Variants in TMEM63B observed in about 807,000 individuals in gnomAD.
TMEM63B encodes the protein transmembrane protein 63B.
TMEM63B carries 23 observed loss-of-function variants against 102.6 expected under a neutral mutation model. The observed-to-expected ratio is 0.22, with a 90% CI of 0.16 to 0.32. TMEM63B has a LOEUF of 0.32. Ranked by LOEUF, TMEM63B falls within the 10% of genes least tolerant of loss-of-function variation. The probability of loss-of-function intolerance (pLI) is 1.00; values close to 1 mark genes in which losing one functional copy is unlikely to be tolerated. For synonymous variants in TMEM63B, 444 were observed against 437.0 expected (o/e 1.02, Z -0.20); for missense variants, 628 against 1,095.9 (o/e 0.57, Z 6.03).
Position 44,154,909 on chromosome 6 carries a change from C to T in TMEM63B, c.*26C>T, listed in dbSNP as rs1379564131. 1.3e-6 allele frequency: 2 copies of T among 1,491,586 alleles called. No individual in the cohort carries two copies. The highest frequency in any genetic ancestry group is 2.4e-5 in the Admixed American group (1 of 41,924). The allele number at this position is 1,491,586 out of a possible 1,614,324, so 92.4% of individuals were successfully genotyped here. On this transcript the variant is annotated 3_prime_UTR_variant, in exon 24 of 24. Coordinates refer to ENST00000323267, the MANE Select transcript of TMEM63B (RefSeq NM_018426.3). ...GGGGAGGGAGGGGCCCTGGAGGCCA[C>T]ATCCTGCCCCACCCCACCCCCACTC...
chr6:44,138,805 T>A, intron 6 of TMEM63B: 1 of 387,348 alleles, frequency 2.6e-6, no homozygotes, highest in Non-Finnish European at 4.8e-6. Flanking sequence ...TCAACCTCTG[T>A]GCAGCCAGTG....
Position 44,154,106 on chromosome 6 carries a change from T to C in TMEM63B, c.2144T>C (p.Val715Ala). The C allele has an allele frequency of 6.2e-7, 1 of 1,614,154 alleles. No individual in the cohort carries two copies. The highest frequency in any genetic ancestry group is 8.5e-7 in the Non-Finnish European group (1 of 1,179,982). The change falls in exon 22 of 24, where the codon GTG (valine) becomes GCG (alanine). Residue 715 changes from valine (V) to alanine (A), a missense_variant. Val to Ala is a moderately conservative substitution (Grantham distance 64). Transcript: ENST00000323267. ...FLAPTSMFTF[V>A]VLVITIVICL... is the part of the protein sequence containing the mutation. ...GCTCCCACGTCTATGTTCACATTTG[T>C]GGTCCTGGTCATCACCATCGTCATC...
In TMEM63B at chr6:44,149,844, T is replaced by C. The variant is rs759914391; in HGVS notation, c.1414-15T>C. On this transcript the variant is annotated splice_polypyrimidine_tract_variant and intron_variant, in intron 15 of 23. Coordinates refer to ENST00000323267, the MANE Select transcript of TMEM63B (RefSeq NM_018426.3). Reference sequence around the variant, plus strand: ...TAGACTGCCCTGCCTGACGCCCCCCTGTGCCCTGCTGCAGAACCCCATCAT... The same window carrying C: ...TAGACTGCCCTGCCTGACGCCCCCCCGTGCCCTGCTGCAGAACCCCATCAT... 1.1e-5 allele frequency: 18 copies of C among 1,600,388 alleles called. No individual in the cohort carries two copies.
At position 44,138,524 on chromosome 6, in the gene TMEM63B, GGACCAT is replaced by G. The variant is rs776351231; in HGVS notation, c.407+8_407+13del. On this transcript the variant is annotated splice_region_variant and intron_variant, in intron 6 of 23. Coordinates refer to ENST00000323267, the MANE Select transcript of TMEM63B (RefSeq NM_018426.3). Reference sequence around the variant, plus strand: ...CAGCCATCTTCAGGATAAAGTAAGTGGACCATCTTCAAGCTCTAAAGAAAGAGAGAA... The same window carrying G: ...CAGCCATCTTCAGGATAAAGTAAGTGCTTCAAGCTCTAAAGAAAGAGAGAA... The G allele has an allele frequency of 4.3e-6, 7 of 1,613,936 alleles. No individual in the cohort carries two copies. Among genetic ancestry groups the G allele is most frequent in the Non-Finnish European group, 5.1e-6 (6 of 1,179,952 alleles).
chr6:44,153,986 G>A (rs2128278892), intron 21 of TMEM63B, 87 bp from the exon 22 acceptor site: 1 of 1,556,374 alleles, frequency 6.4e-7, no homozygotes, highest in East Asian at 2.2e-5. Flanking sequence ...ACCTGGGAGA[G>A]TGAGGACTGC....
Position 44,152,748 on chromosome 6 carries a change from C to A in TMEM63B, c.1942+50C>A. 6.8e-7 allele frequency: 1 copy of A among 1,472,514 alleles called. No individual in the cohort carries two copies. The highest frequency in any genetic ancestry group is 9.4e-7 in the Non-Finnish European group (1 of 1,065,308). 91.2% of individuals were successfully genotyped at this position (1,472,514 alleles called of 1,614,324 possible). ...GGGCCCTGCTCGGGGGGACCCAGGA[C>A]TTCACCCTCTCCACTCTAGGAATGC... On this transcript the variant is annotated intron_variant, in intron 20 of 23. Transcript: ENST00000323267. This position sits in a 1 kb window ranked among gnomAD's most constrained non-coding sequence, Gnocchi z 6.4.
Position 44,152,076 on chromosome 6 carries a change from A to G in TMEM63B, c.1836+68A>G, listed in dbSNP as rs1766787843. The G allele has an allele frequency of 6.6e-7, 1 of 1,512,594 alleles. No homozygotes were observed. The highest frequency in any genetic ancestry group is 8.8e-7 in the Non-Finnish European group (1 of 1,132,518). The allele number at this position is 1,512,594 out of a possible 1,614,324, so 93.7% of individuals were successfully genotyped here. On this transcript the variant is annotated intron_variant, in intron 19 of 23. Coordinates refer to ENST00000323267, the MANE Select transcript of TMEM63B (RefSeq NM_018426.3). The surrounding 1 kb of genome is among the most constrained non-coding windows in gnomAD (Gnocchi z 6.4). Reference sequence around the variant, plus strand: ...GGTGGCCCAACAAGAAACAGCAGCCATCGCGCTAGGGTTGAGGGGCACAGG... The same window carrying G: ...GGTGGCCCAACAAGAAACAGCAGCCGTCGCGCTAGGGTTGAGGGGCACAGG...
intron 10 of TMEM63B, among the ~76,000 whole-genome samples, chr6:44,146,412 T>C (rs1012594840): frequency 2.8e-5 from 4 of 142,554 alleles, no homozygotes; most frequent in Non-Finnish European, 6.3e-5. Flanking sequence ...CTCAGTTTTG[T>C]AGACTAAGAA....
Position 44,154,968 on chromosome 6 carries a change from T to G in TMEM63B, c.*85T>G, listed in dbSNP as rs751111434. 1.4e-5 allele frequency: 18 copies of G among 1,277,122 alleles called. No homozygotes were observed. Among genetic ancestry groups the G allele is most frequent in the Non-Finnish European group, 1.9e-5 (18 of 954,762 alleles). 79.1% of individuals were successfully genotyped at this position (1,277,122 alleles called of 1,614,324 possible). A position where few individuals can be genotyped will look rare whatever the true frequency, so the allele number is the denominator to read the frequency against. ...ACTAAAACGCTAATAATTTATTAGA[T>G]CTAAAGCCCCTTCCTCCCCAGCCCC... On this transcript the variant is annotated 3_prime_UTR_variant, in exon 24 of 24. Coordinates refer to ENST00000323267, the MANE Select transcript of TMEM63B (RefSeq NM_018426.3).
Position 44,148,755 on chromosome 6 carries a change from C to T in TMEM63B, c.1260-37C>T. On this transcript the variant is annotated intron_variant, in intron 14 of 23. Transcript: ENST00000323267. The surrounding 1 kb of genome is among the most constrained non-coding windows in gnomAD (Gnocchi z 5.1). ...GGTGTCACTGGGGGCCAATCCTGCC[C>T]TTGGTTCCTGGACTGACCGGTTCCC... 1 of 1,612,782 alleles carries T rather than the reference C, an allele frequency of 6.2e-7. No homozygotes were observed. Among genetic ancestry groups the T allele is most frequent in the Non-Finnish European group, 8.5e-7 (1 of 1,178,874 alleles).
At position 44,150,047 on chromosome 6, in the gene TMEM63B, A is replaced by G; in HGVS notation, c.1520+82A>G. ...CTCTCTGGGCAGCACTTTGCCCTTCAGGCTCCTGGCCCTGGGCAGTCCCAC... is the reference window on the plus strand; with the variant it reads ...CTCTCTGGGCAGCACTTTGCCCTTCGGGCTCCTGGCCCTGGGCAGTCCCAC... On this transcript the variant is annotated intron_variant, in intron 16 of 23. Transcript: ENST00000323267. The surrounding 1 kb of genome is among the most constrained non-coding windows in gnomAD (Gnocchi z 4.7). 1 of 1,459,602 alleles carries G rather than the reference A, an allele frequency of 6.9e-7. No individual in the cohort carries two copies. The highest frequency in any genetic ancestry group is 1.2e-5 in the South Asian group (1 of 82,658). The allele number at this position is 1,459,602 out of a possible 1,614,324, so 90.4% of individuals were successfully genotyped here. A position where few individuals can be genotyped will look rare whatever the true frequency, so the allele number is the denominator to read the frequency against.
intron 11 of TMEM63B, 121 bp downstream of exon 11, chr6:44,147,048 A>G (rs916814335): frequency 4.5e-6 from 5 of 1,119,764 alleles, no homozygotes; most frequent in Admixed American, 2.0e-5. Flanking sequence ...TTTTAATTCA[A>G]CTCGTTGGTG....
chr6:44,136,362 A>G lies in TMEM63B; in HGVS notation c.292A>G (p.Met98Val), dbSNP rs531946658. The change falls in exon 5 of 24, where the codon ATG becomes GTG. Residue 98 changes from methionine (M) to valine (V), a missense_variant. Coordinates refer to ENST00000323267, the MANE Select transcript of TMEM63B (RefSeq NM_018426.3). Reference protein sequence around the residue: ...RVEQEYVASAMHGDSHDRYER... With the variant: ...RVEQEYVASAVHGDSHDRYER... ...CCTCACCCCCAGTGTGGCTTCAGCTATGCACGGGGACAGCCATGACCGGTA... is the reference window on the plus strand; with the variant it reads ...CCTCACCCCCAGTGTGGCTTCAGCTGTGCACGGGGACAGCCATGACCGGTA... 3.1e-6 allele frequency: 5 copies of G among 1,614,028 alleles called. No individual in the cohort carries two copies. The East Asian group carries it at 6.7e-5, about 22-fold the overall frequency.
At position 44,135,101 on chromosome 6, in the gene TMEM63B, G is replaced by T; in HGVS notation, c.239+5G>T. 1 of 1,614,138 alleles carries T rather than the reference G, an allele frequency of 6.2e-7. No homozygotes were observed. The highest frequency in any genetic ancestry group is 1.1e-5 in the South Asian group (1 of 91,076). ...CTTGGTGACAGATGCAGACAGGTAA[G>T]GGTCTGGGACCCTCCCTCTAGCTCT... On this transcript the variant is annotated splice_donor_5th_base_variant and intron_variant, in intron 3 of 23. Coordinates refer to ENST00000323267, the MANE Select transcript of TMEM63B (RefSeq NM_018426.3).
chr6:44,132,426 G>A, intron 1 of TMEM63B: 2 of 719,462 alleles, frequency 2.8e-6, no homozygotes, highest in Non-Finnish European at 3.4e-6. Flanking sequence ...TCTGGGGCTT[G>A]TTCTCATTTC....
Position 44,136,567 on chromosome 6 carries a change from G to A in TMEM63B, c.369+128G>A, listed in dbSNP as rs1469880858. 1.3e-5 allele frequency: 9 copies of A among 699,228 alleles called. No individual in the cohort carries two copies. In the East Asian group the frequency reaches 1.4e-4, roughly 11 times the overall value. The allele number at this position is 699,228 out of a possible 1,614,324, so 43.3% of individuals were successfully genotyped here. ...TTTGGCCTCCTCCTCAGCAAAGAAA[G>A]TGATTCAACCAAGGAGCCACAGGAT... On this transcript the variant is annotated intron_variant, in intron 5 of 23. Transcript: ENST00000323267.
intron 10 of TMEM63B, among the ~76,000 whole-genome samples, chr6:44,142,269 A>T (rs1582795412): frequency 6.7e-5 from 1 of 15,026 alleles, no homozygotes; most frequent in African/African-American, 2.4e-4. Flanking sequence ...CCATGTCTTA[A>T]AAAAAAAAAA....
rs200117592 is a variant in TMEM63B, at chr6:44,146,942, G to A, written c.863+15G>A. 3.1e-6 allele frequency: 5 copies of A among 1,613,640 alleles called. No individual in the cohort carries two copies. The highest frequency in any genetic ancestry group is 2.5e-6 in the Non-Finnish European group (3 of 1,179,754). ...GATGCAGAGAGGTAAGGGACTGGGG[G>A]CAGAGGAGGGTGACACCAAGGGCCC... On this transcript the variant is annotated intron_variant, in intron 11 of 23. Transcript: ENST00000323267.
At chr6:44,149,299 G>A (rs1020867982) in intron 15 of TMEM63B, 1 of 379,172 alleles carries the variant, frequency 2.6e-6, no homozygotes, top group Non-Finnish European at 5.0e-6. Flanking sequence ...TCTCTTTATC[G>A]GTGTGAAACC....
Sources: allele counts gnomAD v4.1 joint callset (sites outside exome capture counted in the v4.1 genomes callset), GRCh38; gene constraint gnomAD v4.1.1; non-coding constraint Gnocchi (gnomAD v3.1); transcripts MANE v1.5; gene names NCBI Gene and HGNC (gene_info 2026-07-23, HGNC 2026-07-21).